Variants in MPP7 observed in about 807,000 individuals in gnomAD.
MPP7 encodes the protein MAGUK p55 scaffold protein 7.
Under a neutral mutation model 76.5 loss-of-function variants are expected in MPP7, and 60 were observed. That is an observed-to-expected ratio of 0.78 (90% CI 0.64 to 0.97). The LOEUF (loss-of-function observed/expected upper bound fraction) is 0.97. Ranked by LOEUF, MPP7 falls within the 50% of genes least tolerant of loss-of-function variation. The probability of loss-of-function intolerance (pLI) is 0.00; values close to 1 mark genes in which losing one functional copy is unlikely to be tolerated. For synonymous variants in MPP7, 237 were observed against 244.5 expected, an observed-to-expected ratio of 0.97 and a Z score of 0.29; for missense variants, 641 against 694.0, an observed-to-expected ratio of 0.92 and a Z score of 0.86.
intron 12 of MPP7, among the ~76,000 whole-genome samples, chr10:28,081,103 T>C (rs187854707): frequency 1.1e-4 from 16 of 152,330 alleles, no homozygotes; most frequent in Admixed American, 9.2e-4. Context: ...GAGAGCAGAA[T>C]AGTACTGATG....
intron 11 of MPP7, chr10:28,119,022 T>C: frequency 3.0e-6 from 3 of 985,282 alleles, no homozygotes; most frequent in Non-Finnish European, 3.6e-6. Context: ...CTTGAAGAGC[T>C]GGGTGGTGGG....
chr10:28,051,189 C>G lies in MPP7; in HGVS notation c.*2876G>C, dbSNP rs928491600. On this transcript the variant is annotated 3_prime_UTR_variant, in exon 17 of 17. Transcript: ENST00000683449. ...TAAGTACACACACTGTTTGAAGGTA[C>G]TTTATTAAGATCAAAGATTTTTCAT... is the stretch of plus-strand genomic sequence containing the variant. The G allele has an allele frequency of 6.6e-6, 1 of 152,108 alleles. No homozygotes were observed. The highest frequency in any genetic ancestry group is 2.4e-5 in the African/African-American group (1 of 41,420). 9.4% of individuals were successfully genotyped at this position (152,108 alleles called of 1,614,324 possible).
chr10:28,333,853 T>C (rs950703784), intron 1 of MPP7, among the ~76,000 whole-genome samples: 2 of 151,918 alleles, frequency 1.3e-5, no homozygotes, highest in African/African-American at 4.8e-5. Flanking sequence ...AGATGAAAAA[T>C]TTGGGCCGAG....
At chr10:28,104,285 C>T (rs1256428859) in intron 11 of MPP7, among the ~76,000 whole-genome samples, 2 of 151,898 alleles carry the variant, frequency 1.3e-5, no homozygotes, top group Non-Finnish European at 2.9e-5. Flanking sequence ...GATGAATAAC[C>T]CAACAAGAAA....
intron 7 of MPP7, among the ~76,000 whole-genome samples, chr10:28,124,800 C>T (rs1834964632): frequency 6.6e-6 from 1 of 152,048 alleles, no homozygotes; most frequent in African/African-American, 2.4e-5. Flanking sequence ...TTTAAGATAG[C>T]TTTGGATGCT....
chr10:28,114,748 A>G (rs149320880), intron 11 of MPP7, among the ~76,000 whole-genome samples: 1 of 152,330 alleles, frequency 6.6e-6, no homozygotes, highest in East Asian at 1.9e-4. Context: ...GAGTTAACCA[A>G]TGCTTTCCAA....
chr10:28,109,469 T>A lies in MPP7; in HGVS notation c.952+10182A>T, dbSNP rs115750263. Among the ~76,000 whole-genome samples, 1,088 of 152,232 alleles carry A rather than the reference T, an allele frequency of 7.1e-3. 14 individuals are homozygous for A. Among genetic ancestry groups the A allele is most frequent in the African/African-American group, 0.025 (1,035 of 41,520 alleles). On this transcript the variant is annotated intron_variant, in intron 11 of 16. Coordinates refer to ENST00000683449, the MANE Select transcript of MPP7 (RefSeq NM_001318170.2). Reference sequence around the variant, plus strand: ...CCGTCTATCAAAAATTATACAATTATTTTTATCTTATATCAAAAATATAAA... The same window carrying A: ...CCGTCTATCAAAAATTATACAATTAATTTTATCTTATATCAAAAATATAAA...
intron 11 of MPP7, among the ~76,000 whole-genome samples, chr10:28,108,910 T>G (rs1834409644): frequency 1.3e-5 from 2 of 152,078 alleles, no homozygotes; most frequent in Non-Finnish European, 2.9e-5. Context: ...AGAAAGTTGG[T>G]CATAAGGCTT....
intron 2 of MPP7, among the ~76,000 whole-genome samples, chr10:28,308,933 G>A (rs1385088748): frequency 1.3e-5 from 2 of 152,126 alleles, no homozygotes; most frequent in Non-Finnish European, 2.9e-5. Context: ...AAGAAAATTG[G>A]AAAACTCTAA....
intron 13 of MPP7, among the ~76,000 whole-genome samples, chr10:28,064,652 G>GA (rs1851922450): frequency 6.6e-6 from 1 of 152,134 alleles, no homozygotes; most frequent in East Asian, 1.9e-4. Flanking sequence ...TAACTTAATA[G>GA]AAAAAGTAAT....
At chr10:28,119,851 A>G in intron 10 of MPP7, 136 bp from the exon 11 acceptor site, 1 of 657,284 alleles carries the variant, frequency 1.5e-6, no homozygotes, top group Non-Finnish European at 2.5e-6. Context: ...GATTCAAATT[A>G]AGAAACAAAT....
intron 3 of MPP7, among the ~76,000 whole-genome samples, chr10:28,170,400 G>A (rs1836640987): frequency 6.6e-6 from 1 of 151,430 alleles, no homozygotes; most frequent in African/African-American, 2.4e-5. Flanking sequence ...GAACTCCTGG[G>A]CTCAAGTAAT....
intron 2 of MPP7, among the ~76,000 whole-genome samples, chr10:28,207,365 T>C (rs1056595108): frequency 2.6e-5 from 4 of 152,008 alleles, no homozygotes; most frequent in African/African-American, 7.2e-5. Flanking sequence ...AGAACTGTAA[T>C]AATTTAAAGA....
At chr10:28,165,661 C>T (rs1434797441) in intron 3 of MPP7, among the ~76,000 whole-genome samples, 1 of 152,062 alleles carries the variant, frequency 6.6e-6, no homozygotes, top group Non-Finnish European at 1.5e-5. Flanking sequence ...ATGGGCATGA[C>T]ATCTTCCAAA....
upstream of MPP7, chr10:28,305,609 G>C (rs758008807): frequency 3.3e-5 from 5 of 152,236 alleles, no homozygotes; most frequent in Non-Finnish European, 7.3e-5. Context: ...AGCAAATGAG[G>C]AATAAGCTGA....
chr10:28,113,054 C>G (rs747976177), intron 11 of MPP7, among the ~76,000 whole-genome samples: 1 of 152,126 alleles, frequency 6.6e-6, no homozygotes, highest in African/African-American at 2.4e-5. Flanking sequence ...ATGGGACATA[C>G]GGATACAGCC....
At chr10:28,309,687 G>A (rs1255042242) in intron 2 of MPP7, among the ~76,000 whole-genome samples, 1 of 152,184 alleles carries the variant, frequency 6.6e-6, no homozygotes, top group East Asian at 1.9e-4. Context: ...ATCTCACATT[G>A]AATTGTGGTC....
chr10:28,197,849 T>C (rs2133970261), intron 3 of MPP7, among the ~76,000 whole-genome samples: 1 of 152,334 alleles, frequency 6.6e-6, no homozygotes, highest in Non-Finnish European at 1.5e-5. Flanking sequence ...ATTATTATAT[T>C]GCATGCTGGT....
intron 5 of MPP7, among the ~76,000 whole-genome samples, chr10:28,142,159 G>C (rs1588840326): frequency 6.6e-6 from 1 of 152,028 alleles, no homozygotes; most frequent in Admixed American, 6.6e-5. Flanking sequence ...AAGTCATAAA[G>C]AAAAAGAATG....
Sources: allele counts gnomAD v4.1 joint callset (sites outside exome capture counted in the v4.1 genomes callset), GRCh38; gene constraint gnomAD v4.1.1; transcripts MANE v1.5; gene names NCBI Gene and HGNC (gene_info 2026-07-23, HGNC 2026-07-21).